The following FFAR1 variants were observed in gnomAD, a reference collection of about 807,000 sequenced individuals.
The protein encoded by FFAR1 is free fatty acid receptor 1.
For missense variants in FFAR1, 424 were observed against 396.2 expected, an observed-to-expected ratio of 1.07 and a Z score of -0.60; for synonymous variants, 216 against 201.5, an observed-to-expected ratio of 1.07 and a Z score of -0.61.
chr19:35,350,383 A>C (rs1455498343), upstream of FFAR1, among the ~76,000 whole-genome samples: 1 of 152,214 alleles, frequency 6.6e-6, no homozygotes, highest in Non-Finnish European at 1.5e-5. Context: ...AGATGGCTTC[A>C]TGGCTGCAGT....
upstream of FFAR1, among the ~76,000 whole-genome samples, chr19:35,351,171 T>C (rs1006941329): frequency 2.0e-5 from 3 of 152,306 alleles, no homozygotes; most frequent in East Asian, 1.9e-4. Context: ...GGCCCAGCCC[T>C]GTTCTGAATT....
exon 1 of FFAR1, chr19:35,352,416 T>G (rs2066949800): frequency 6.4e-7 from 1 of 1,554,744 alleles, no homozygotes; most frequent in Non-Finnish European, 8.7e-7. Flanking sequence ...GAAGACAGTG[T>G]GTGCGGCAAG....
downstream of FFAR1, chr19:35,353,864 A>ATGC (rs2066954912): frequency 6.6e-6 from 1 of 152,262 alleles, no homozygotes; most frequent in Non-Finnish European, 1.5e-5. Flanking sequence ...GGTGAAACAT[A>ATGC]TGCAATGACT....
At chr19:35,349,152 G>A (rs764912919), upstream of FFAR1, among the ~76,000 whole-genome samples, 5 of 152,170 alleles carry the variant, frequency 3.3e-5, no homozygotes, top group East Asian at 5.8e-4. Context: ...GCTGTGCAAC[G>A]TGTAGTAGAC....
chr19:35,350,888 C>G (rs562283774), upstream of FFAR1, among the ~76,000 whole-genome samples: 100 of 152,326 alleles, frequency 6.6e-4, no homozygotes, highest in Middle Eastern at 3.4e-3. Context: ...GTTCCCCAGA[C>G]CCCCAGACCC....
chr19:35,352,492 C>A (rs372542737), exon 1 of FFAR1: 2 of 1,534,682 alleles, frequency 1.3e-6, no homozygotes, highest in Admixed American at 2.0e-5. Flanking sequence ...GGCAGGAGGG[C>A]CCGGCTGCTT....
chr19:35,351,258 T>A (rs1308103645), upstream of FFAR1, among the ~76,000 whole-genome samples: 1 of 152,110 alleles, frequency 6.6e-6, no homozygotes, highest in Non-Finnish European at 1.5e-5. Context: ...CCACATCCTA[T>A]CTCCTGTGAC....
exon 1 of FFAR1, chr19:35,352,612 C>G: frequency 2.6e-6 from 2 of 761,744 alleles, no homozygotes; most frequent in Non-Finnish European, 4.1e-6. Context: ...GGCAGCACCC[C>G]AGTCAAGAGA....
At chr19:35,350,359 C>T (rs2066938915), upstream of FFAR1, among the ~76,000 whole-genome samples, 1 of 152,222 alleles carries the variant, frequency 6.6e-6, no homozygotes, top group Middle Eastern at 3.2e-3. Flanking sequence ...CCCCACACAC[C>T]CACTGCCACT....
At chr19:35,349,860 A>G (rs2066936891), upstream of FFAR1, among the ~76,000 whole-genome samples, 1 of 152,220 alleles carries the variant, frequency 6.6e-6, no homozygotes, top group African/African-American at 2.4e-5. Flanking sequence ...ACAGAATCAC[A>G]GAGCAGAGCT....
upstream of FFAR1, among the ~76,000 whole-genome samples, chr19:35,350,756 C>T (rs535337747): frequency 1.1e-4 from 17 of 152,298 alleles, no homozygotes; most frequent in South Asian, 1.2e-3. Context: ...CCTCCCCTTC[C>T]GGCTCACTGC....
At position 35,351,763 on chromosome 19, in the gene FFAR1, C is replaced by T. The variant is rs763045854; in HGVS notation, c.212C>T (p.Ala71Val). 4.5e-6 allele frequency: 7 copies of T among 1,572,106 alleles called. No homozygotes were observed. The African/African-American group carries it at 9.5e-5, about 21-fold the overall frequency. ...GCGGTGGAGGCGCTAGCCTCCGGGG[C>T]CTGGCCTCTGCCGGCCTCGCTGTGC... Residue 71 changes from alanine (A) to valine (V), a missense_variant, in exon 1 of 1, where the codon GCC becomes GTC. Coordinates refer to ENST00000246553, the Ensembl canonical transcript of FFAR1.
At chr19:35,351,420 T>A, upstream of FFAR1, 4 of 760,516 alleles carry the variant, frequency 5.3e-6, no homozygotes, top group South Asian at 3.2e-5. Flanking sequence ...TCCCACCAGG[T>A]GAATTGTAAT....
chr19:35,351,949 T>C (rs1213494530), exon 1 of FFAR1: 4 of 1,614,002 alleles, frequency 2.5e-6, no homozygotes, highest in South Asian at 1.1e-5. Flanking sequence ...ATCTGGGCCC[T>C]CGTCCTGTGT....
At chr19:35,351,566 G>T in exon 1 of FFAR1, 1 of 1,540,660 alleles carries the variant, frequency 6.5e-7, no homozygotes, top group East Asian at 2.4e-5. Flanking sequence ...ACCTGCCCCC[G>T]CAGCTCTCCT....
upstream of FFAR1, among the ~76,000 whole-genome samples, chr19:35,350,537 G>T (rs2066939828): frequency 6.6e-6 from 1 of 152,118 alleles, no homozygotes; most frequent in South Asian, 2.1e-4. Context: ...GGTTGTGGCC[G>T]AGCCCCCAAG....
chr19:35,350,359 C>G (rs2066938915), upstream of FFAR1, among the ~76,000 whole-genome samples: 1 of 152,222 alleles, frequency 6.6e-6, no homozygotes, highest in South Asian at 2.1e-4. Flanking sequence ...CCCCACACAC[C>G]CACTGCCACT....
exon 1 of FFAR1, chr19:35,353,230 C>T (rs1265782439): frequency 6.6e-6 from 1 of 152,216 alleles, no homozygotes; most frequent in Admixed American, 6.5e-5. Flanking sequence ...CCTGTAATCC[C>T]AGCACTTTAG....
exon 1 of FFAR1, chr19:35,352,145 A>G (rs1158576651): frequency 1.2e-6 from 2 of 1,610,450 alleles, no homozygotes; most frequent in African/African-American, 1.3e-5. Flanking sequence ...TGGCCATCAC[A>G]GCCTTCTGCT....
Sources: allele counts gnomAD v4.1 joint callset (sites outside exome capture counted in the v4.1 genomes callset), GRCh38; gene constraint gnomAD v4.1.1; transcripts MANE v1.5; gene names NCBI Gene and HGNC (gene_info 2026-07-23, HGNC 2026-07-21).